RPS6KC1: variants seen among roughly 807,000 people sequenced by gnomAD.
RPS6KC1 encodes the protein inactive ribosomal protein S6 kinase delta-1.
Under a neutral mutation model 103.8 loss-of-function variants are expected in RPS6KC1, and 54 were observed. The ratio of observed to expected loss-of-function variants is 0.52; its 90% CI spans 0.42 to 0.65. The LOEUF (loss-of-function observed/expected upper bound fraction) is 0.65, where lower values mean the gene tolerates loss of function less well. Ranked by LOEUF, RPS6KC1 falls within the 30% of genes least tolerant of loss-of-function variation. RPS6KC1 has a pLI of 0.00. For missense variants in RPS6KC1, 1,151 were observed against 1,253.8 expected, an observed-to-expected ratio of 0.92 and a Z score of 1.24; for synonymous variants, 439 against 438.7, an observed-to-expected ratio of 1.00 and a Z score of -0.01.
the RPS6KC1 span, among the ~76,000 whole-genome samples, chr1:213,845,301 T>G: frequency 7.2e-5 from 11 of 152,290 alleles, no homozygotes; most frequent in South Asian, 1.0e-3. Flanking sequence ...CTGGTTGTCT[T>G]AAAATTGTGA....
At chr1:213,816,461 G>C in the RPS6KC1 span, among the ~76,000 whole-genome samples, 1 of 152,164 alleles carries the variant, frequency 6.6e-6, no homozygotes, top group South Asian at 2.1e-4. Context: ...GAGTTGAAGA[G>C]TCAGCTCTGA....
the RPS6KC1 span, among the ~76,000 whole-genome samples, chr1:213,842,853 T>G: frequency 6.6e-6 from 1 of 152,240 alleles, no homozygotes; most frequent in Non-Finnish European, 1.5e-5. Context: ...AAAGAACATC[T>G]TTCATACCAT....
the RPS6KC1 span, among the ~76,000 whole-genome samples, chr1:213,283,672 A>T: frequency 6.6e-6 from 1 of 152,138 alleles, no homozygotes; most frequent in Non-Finnish European, 1.5e-5. Context: ...AACTCTCAAA[A>T]TTGACCTGCC....
At chr1:213,483,513 A>C in the RPS6KC1 span, among the ~76,000 whole-genome samples, 1 of 152,236 alleles carries the variant, frequency 6.6e-6, no homozygotes, top group South Asian at 2.1e-4. Context: ...GAAATTGATG[A>C]TTCATATAGC....
At chr1:213,638,046 T>C in the RPS6KC1 span, among the ~76,000 whole-genome samples, 1 of 151,930 alleles carries the variant, frequency 6.6e-6, no homozygotes, top group Non-Finnish European at 1.5e-5. Context: ...CTACAACTTG[T>C]GGGTTCAAGC....
At chr1:213,836,075 A>T in the RPS6KC1 span, 1 of 151,988 alleles carries the variant, frequency 6.6e-6, no homozygotes, top group South Asian at 2.1e-4. Flanking sequence ...AGGAGTCCAA[A>T]CAGAAAAAAG....
At chr1:213,366,945 A>G in the RPS6KC1 span, among the ~76,000 whole-genome samples, 1 of 152,200 alleles carries the variant, frequency 6.6e-6, no homozygotes, top group Non-Finnish European at 1.5e-5. Context: ...TCTCTTCTTC[A>G]TATGACAGCT....
the RPS6KC1 span, among the ~76,000 whole-genome samples, chr1:213,798,570 C>A: frequency 6.6e-6 from 1 of 152,172 alleles, no homozygotes. Context: ...CATGCCTATT[C>A]CTTTCCTTCC....
chr1:213,349,436 TGG>T, the RPS6KC1 span, among the ~76,000 whole-genome samples: 1 of 152,266 alleles, frequency 6.6e-6, no homozygotes, highest in East Asian at 1.9e-4. Flanking sequence ...ATATGATACT[TGG>T]GTGCATCTTC....
chr1:213,081,518 G>A (rs1205605826), intron 3 of RPS6KC1, among the ~76,000 whole-genome samples: 2 of 152,070 alleles, frequency 1.3e-5, no homozygotes, highest in African/African-American at 4.8e-5. Flanking sequence ...ACTTGATGGG[G>A]TCAGACACAC....
chr1:213,338,467 A>G, the RPS6KC1 span, among the ~76,000 whole-genome samples: 1 of 152,140 alleles, frequency 6.6e-6, no homozygotes, highest in Non-Finnish European at 1.5e-5. Context: ...GTAGTTTTGG[A>G]GTGAGCTATG....
At chr1:213,061,259 C>T (rs192932275) in intron 1 of RPS6KC1, among the ~76,000 whole-genome samples, 15 of 152,262 alleles carry the variant, frequency 9.9e-5, no homozygotes, top group East Asian at 9.6e-4. Flanking sequence ...ATAATGCTTT[C>T]GTGAAAACTT....
chr1:213,690,361 G>A, the RPS6KC1 span, among the ~76,000 whole-genome samples: 4 of 152,194 alleles, frequency 2.6e-5, no homozygotes, highest in Non-Finnish European at 1.5e-5. Context: ...ACTTTTCTGG[G>A]CAGGAGGAAG....
chr1:213,610,516 C>T, the RPS6KC1 span, among the ~76,000 whole-genome samples: 1 of 152,320 alleles, frequency 6.6e-6, no homozygotes, highest in Middle Eastern at 3.4e-3. Flanking sequence ...TCTGCCTCCA[C>T]AGAGGAAGCA....
At chr1:213,686,755 G>A in the RPS6KC1 span, among the ~76,000 whole-genome samples, 1 of 152,162 alleles carries the variant, frequency 6.6e-6, no homozygotes, top group African/African-American at 2.4e-5. Flanking sequence ...GTGAAAGCAG[G>A]TTTATTAAGG....
intron 10 of RPS6KC1, among the ~76,000 whole-genome samples, chr1:213,232,901 T>C (rs2094137820): frequency 6.6e-6 from 1 of 152,188 alleles, no homozygotes; most frequent in African/African-American, 2.4e-5. Flanking sequence ...TTATTTAGGA[T>C]GACTGAAAAC....
chr1:213,330,485 C>T, the RPS6KC1 span, among the ~76,000 whole-genome samples: 5 of 152,258 alleles, frequency 3.3e-5, no homozygotes, highest in African/African-American at 1.2e-4. Context: ...ATAGAAGCTC[C>T]CCTCTGCACA....
chr1:213,160,646 T>C (rs191741475), intron 6 of RPS6KC1, among the ~76,000 whole-genome samples: 2 of 145,382 alleles, frequency 1.4e-5, no homozygotes, highest in Non-Finnish European at 3.0e-5. Context: ...GCAAGTCATA[T>C]ACAACATGGA....
chr1:213,710,431 C>T, the RPS6KC1 span, among the ~76,000 whole-genome samples: 1 of 152,240 alleles, frequency 6.6e-6, no homozygotes, highest in Non-Finnish European at 1.5e-5. Context: ...GATGAGTCTC[C>T]TAAATACAGC....
Sources: gnomAD v4.1 joint callset for allele counts (sites outside exome capture counted in the v4.1 genomes callset) on GRCh38, gnomAD v4.1.1 for gene constraint, MANE v1.5 for transcripts, NCBI Gene and HGNC (gene_info 2026-07-23, HGNC 2026-07-21) for gene names.